The following SLC67A1 variants were observed in gnomAD, a reference collection of about 807,000 sequenced individuals.
SLC67A1 encodes the protein solute carrier family 67 member A1.
chr11:2,904,070 A>G, the SLC67A1 span, among the ~76,000 whole-genome samples: 1 of 152,204 alleles, frequency 6.6e-6, no homozygotes, highest in Non-Finnish European at 1.5e-5. Context: ...AGTTTAGTGT[A>G]TCATTCAGTA....
the SLC67A1 span, chr11:2,921,901 CA>C: frequency 1.6e-6 from 1 of 607,832 alleles, no homozygotes; most frequent in Non-Finnish European, 3.0e-6. Flanking sequence ...TCAGGGATCT[CA>C]GACCCATCCT....
the SLC67A1 span, chr11:2,920,120 G>T: frequency 1.3e-5 from 2 of 152,734 alleles, no homozygotes; most frequent in African/African-American, 4.8e-5. Context: ...GCCAGGGTGG[G>T]GGTGGGGGCT....
the SLC67A1 span, among the ~76,000 whole-genome samples, chr11:2,900,629 C>G: frequency 6.1e-4 from 84 of 137,982 alleles, no homozygotes; most frequent in Admixed American, 1.7e-3. Flanking sequence ...GGAGGCGGAG[C>G]TTGCAGCGAG....
At chr11:2,902,649 A>G in the SLC67A1 span, 1 of 985,400 alleles carries the variant, frequency 1.0e-6, no homozygotes, top group Non-Finnish European at 1.2e-6. Flanking sequence ...CTGCAGCCGC[A>G]AAATCCAGTT....
the SLC67A1 span, chr11:2,916,831 C>A: frequency 2.7e-6 from 3 of 1,100,322 alleles, no homozygotes; most frequent in Admixed American, 1.8e-5. Context: ...GTACGGGGGG[C>A]CTGAGGGGAA....
At chr11:2,909,060 C>A in the SLC67A1 span, 1 of 780,132 alleles carries the variant, frequency 1.3e-6, no homozygotes, top group Non-Finnish European at 1.9e-6. Context: ...TCCCAGCAGC[C>A]GCCCAGGCGC....
At chr11:2,921,938 G>A in the SLC67A1 span, 26 of 663,470 alleles carry the variant, frequency 3.9e-5, no homozygotes, top group Non-Finnish European at 5.2e-5. Context: ...GGCGGAGTAG[G>A]GAGAGACCCC....
At chr11:2,909,499 G>A in the SLC67A1 span, 3 of 1,423,384 alleles carry the variant, frequency 2.1e-6, no homozygotes, top group Non-Finnish European at 2.8e-6. Context: ...GTGGGGCGTG[G>A]CTTGTGGAGG....
the SLC67A1 span, among the ~76,000 whole-genome samples, chr11:2,910,872 G>T: frequency 6.6e-6 from 1 of 152,220 alleles, no homozygotes; most frequent in African/African-American, 2.4e-5. Context: ...CAGCCTGGGT[G>T]CCTGTCAGGC....
the SLC67A1 span, among the ~76,000 whole-genome samples, chr11:2,924,201 T>TG: frequency 6.6e-6 from 1 of 152,172 alleles, no homozygotes; most frequent in Non-Finnish European, 1.5e-5. The surrounding 1 kb of genome is among the most constrained non-coding windows in gnomAD (Gnocchi z 8.6). Context: ...GGCGTGGAGA[T>TG]GCGGTGTCAG....
At chr11:2,903,613 T>G in the SLC67A1 span, 1 of 1,045,432 alleles carries the variant, frequency 9.6e-7, no homozygotes, top group Non-Finnish European at 1.4e-6. Context: ...CCCCTCCCAG[T>G]TGGGACTCAT....
At chr11:2,901,518 G>A in the SLC67A1 span, among the ~76,000 whole-genome samples, 1 of 152,258 alleles carries the variant, frequency 6.6e-6, no homozygotes, top group African/African-American at 2.4e-5. Flanking sequence ...CCTACTTAGT[G>A]ACAGTCAGGG....
At chr11:2,918,524 C>T in the SLC67A1 span, among the ~76,000 whole-genome samples, 1 of 152,242 alleles carries the variant, frequency 6.6e-6, no homozygotes, top group African/African-American at 2.4e-5. Flanking sequence ...GACAAGCCCA[C>T]GAGCAGCCCT....
chr11:2,910,425 A>G, the SLC67A1 span, among the ~76,000 whole-genome samples: 2 of 152,162 alleles, frequency 1.3e-5, no homozygotes, highest in Non-Finnish European at 2.9e-5. Context: ...TGGGATCACT[A>G]GGGCCTGTCT....
the SLC67A1 span, chr11:2,925,001 A>AC: frequency 4.1e-5 from 65 of 1,599,488 alleles, no homozygotes; most frequent in Non-Finnish European, 4.9e-5. This position sits in a 1 kb window ranked among gnomAD's most constrained non-coding sequence, Gnocchi z 6.5. Context: ...ACCCCCATGC[A>AC]CCCCCCAGGG....
chr11:2,921,809 C>T, the SLC67A1 span: 7 of 361,810 alleles, frequency 1.9e-5, no homozygotes, highest in Admixed American at 1.3e-4. Context: ...AGCCTGCGGC[C>T]GAGCCTGTCC....
At chr11:2,922,028 G>A in the SLC67A1 span, 1 of 1,147,306 alleles carries the variant, frequency 8.7e-7, no homozygotes, top group South Asian at 1.2e-5. Context: ...CCCAGCTTTG[G>A]GGGCTGGCCA....
At chr11:2,900,495 C>T in the SLC67A1 span, among the ~76,000 whole-genome samples, 1 of 151,892 alleles carries the variant, frequency 6.6e-6, no homozygotes, top group African/African-American at 2.4e-5. Context: ...AGATCGAGAC[C>T]ATCCTGGCTA....
At chr11:2,899,873 G>C in the SLC67A1 span, 1 of 678,342 alleles carries the variant, frequency 1.5e-6, no homozygotes. Context: ...GCACACCTCT[G>C]GGCAGTTTGG....
Sources: gnomAD v4.1 joint callset for allele counts (sites outside exome capture counted in the v4.1 genomes callset) on GRCh38, gnomAD v4.1.1 for gene constraint, Gnocchi (gnomAD v3.1) non-coding constraint, MANE v1.5 for transcripts, NCBI Gene and HGNC (gene_info 2026-07-23, HGNC 2026-07-21) for gene names.